The following RANBP2 variants were observed in gnomAD, a reference collection of about 807,000 sequenced individuals.
RANBP2 encodes E3 SUMO-protein ligase RanBP2.
RANBP2 carries 57 observed loss-of-function variants against 303.6 expected under a neutral mutation model. That is an observed-to-expected ratio of 0.19 (90% CI 0.15 to 0.23). The LOEUF (loss-of-function observed/expected upper bound fraction) is 0.23, where lower values mean the gene tolerates loss of function less well. Among genes scored for constraint, RANBP2 ranks in the 10% least tolerant of loss-of-function variants. The pLI is 1.00. For synonymous variants in RANBP2, 1,167 were observed against 1,301.5 expected (o/e 0.90, Z 2.23); for missense variants, 3,138 against 3,780.8 (o/e 0.83, Z 4.46).
At chr2:109,490,984 C>T in the RANBP2 span, 6 of 1,400,360 alleles carry the variant, frequency 4.3e-6, no homozygotes, top group Admixed American at 8.6e-5. Context: ...GGTTTGGCCT[C>T]TGAGGTCTGG....
the RANBP2 span, among the ~76,000 whole-genome samples, chr2:109,065,383 C>G: frequency 1.3e-5 from 2 of 152,036 alleles, no homozygotes; most frequent in African/African-American, 4.8e-5. Context: ...TCTTTGTGTG[C>G]GTGTTTCTGT....
chr2:109,337,021 G>T, the RANBP2 span, among the ~76,000 whole-genome samples: 1 of 152,168 alleles, frequency 6.6e-6, no homozygotes. Flanking sequence ...CAAATCATTA[G>T]GTATGCTTTG....
chr2:109,348,265 C>G, the RANBP2 span, among the ~76,000 whole-genome samples: 6 of 152,240 alleles, frequency 3.9e-5, no homozygotes, highest in African/African-American at 1.4e-4. Flanking sequence ...AGTCATGGCT[C>G]TAAGCGCTGA....
chr2:109,589,648 T>C, the RANBP2 span, among the ~76,000 whole-genome samples: 1 of 152,180 alleles, frequency 6.6e-6, no homozygotes, highest in Non-Finnish European at 1.5e-5. Flanking sequence ...GGAATGCTGA[T>C]AAATTTGCTA....
chr2:109,104,773 G>C, the RANBP2 span, among the ~76,000 whole-genome samples: 1 of 152,276 alleles, frequency 6.6e-6, no homozygotes, highest in East Asian at 1.9e-4. Context: ...GTGAGCTACC[G>C]TGCCCAGCCG....
At chr2:109,335,161 G>A in the RANBP2 span, among the ~76,000 whole-genome samples, 27 of 152,320 alleles carry the variant, frequency 1.8e-4, no homozygotes, top group Admixed American at 1.2e-3. Flanking sequence ...AGCATCCTGG[G>A]GTGTTACCTG....
chr2:109,590,424 CT>C, the RANBP2 span, among the ~76,000 whole-genome samples: 31,050 of 146,488 alleles, frequency 0.21, 3,758 homozygotes, highest in South Asian at 0.28. Flanking sequence ...GAGGTAAATC[CT>C]TTTTTTTTTT....
chr2:109,629,929 C>T, the RANBP2 span, among the ~76,000 whole-genome samples: 1 of 152,150 alleles, frequency 6.6e-6, no homozygotes, highest in Non-Finnish European at 1.5e-5. Context: ...GCAGCAGTAC[C>T]TCCCCCATGG....
At chr2:108,786,838 G>A (rs1256890458), downstream of RANBP2, 1 of 1,591,792 alleles carries the variant, frequency 6.3e-7, no homozygotes, top group Non-Finnish European at 8.5e-7. Context: ...GCCGAGGGTC[G>A]TCAAGCCACC....
At chr2:109,615,271 C>A in the RANBP2 span, 3 of 1,578,334 alleles carry the variant, frequency 1.9e-6, no homozygotes, top group Non-Finnish European at 2.6e-6. Flanking sequence ...GGCGGAGGCT[C>A]CGTGACGCTG....
chr2:109,503,218 T>C, the RANBP2 span: 1 of 152,338 alleles, frequency 6.6e-6, no homozygotes, highest in Non-Finnish European at 1.5e-5. Context: ...CACCTATATT[T>C]TTACAAATAC....
the RANBP2 span, chr2:109,594,904 T>C: frequency 6.6e-6 from 1 of 152,172 alleles, no homozygotes; most frequent in African/African-American, 2.4e-5. Flanking sequence ...TTTTTTTTTT[T>C]TGAGACAGAG....
At chr2:109,085,690 T>C in the RANBP2 span, among the ~76,000 whole-genome samples, 2 of 149,826 alleles carry the variant, frequency 1.3e-5, no homozygotes, top group African/African-American at 2.5e-5. Context: ...AACCTCTGCC[T>C]CTCAGGTTCA....
At chr2:109,626,802 G>T in the RANBP2 span, among the ~76,000 whole-genome samples, 1 of 152,212 alleles carries the variant, frequency 6.6e-6, no homozygotes, top group Admixed American at 6.5e-5. Flanking sequence ...TAAAGTGCAG[G>T]CTGTTTTTCT....
the RANBP2 span, among the ~76,000 whole-genome samples, chr2:109,710,734 A>C: frequency 6.6e-6 from 1 of 152,320 alleles, no homozygotes; most frequent in South Asian, 2.1e-4. Flanking sequence ...GTCAGGGAGA[A>C]GTGAGCAGAG....
At chr2:109,405,863 G>A in the RANBP2 span, among the ~76,000 whole-genome samples, 1 of 152,260 alleles carries the variant, frequency 6.6e-6, no homozygotes, top group Non-Finnish European at 1.5e-5. Flanking sequence ...CTGGCCCACA[G>A]GTGGGGCTCT....
chr2:109,068,439 CCT>C, the RANBP2 span, among the ~76,000 whole-genome samples: 1 of 152,216 alleles, frequency 6.6e-6, no homozygotes, highest in Non-Finnish European at 1.5e-5. Flanking sequence ...GGCCCTGTCC[CCT>C]GTTTTGATCA....
chr2:108,966,078 C>T, the RANBP2 span, among the ~76,000 whole-genome samples: 3 of 152,122 alleles, frequency 2.0e-5, no homozygotes, highest in Non-Finnish European at 2.9e-5. Context: ...GGATCTAAAG[C>T]AGTTTATAGC....
chr2:109,528,032 G>C, the RANBP2 span, among the ~76,000 whole-genome samples: 1 of 152,214 alleles, frequency 6.6e-6, no homozygotes, highest in African/African-American at 2.4e-5. Flanking sequence ...GCAGCTTCCA[G>C]AGTGACTGAG....
Sources: gnomAD v4.1 joint callset for allele counts (sites outside exome capture counted in the v4.1 genomes callset) on GRCh38, gnomAD v4.1.1 for gene constraint, MANE v1.5 for transcripts, NCBI Gene and HGNC (gene_info 2026-07-23, HGNC 2026-07-21) for gene names.